CFAP299: variants seen among roughly 807,000 people sequenced by gnomAD.
CFAP299 encodes the protein cilia- and flagella-associated protein 299.
Under a neutral mutation model 27.0 loss-of-function variants are expected in CFAP299, and 21 were observed. That is an observed-to-expected ratio of 0.78 (90% CI 0.55 to 1.12). The LOEUF is 1.12. Among genes scored for constraint, CFAP299 ranks in the 50% most tolerant of loss-of-function variants. The pLI is 0.00. For missense variants in CFAP299, 310 were observed against 276.6 expected (o/e 1.12, Z -0.86); for synonymous variants, 104 against 98.1 (o/e 1.06, Z -0.36).
chr4:80,483,242 G>C (rs748291893), intron 2 of CFAP299, among the ~76,000 whole-genome samples: 4 of 152,134 alleles, frequency 2.6e-5, no homozygotes, highest in Non-Finnish European at 5.9e-5. Context: ...ACCTCTAGAA[G>C]GTAGGAAAGG....
chr4:80,686,692 G>T (rs1450563187), intron 3 of CFAP299, among the ~76,000 whole-genome samples: 1 of 152,116 alleles, frequency 6.6e-6, no homozygotes, highest in African/African-American at 2.4e-5. Flanking sequence ...TCTTTCTTTG[G>T]TGCTTAACCA....
At chr4:80,791,358 CTCAA>C (rs1243591407) in intron 3 of CFAP299, among the ~76,000 whole-genome samples, 2 of 151,966 alleles carry the variant, frequency 1.3e-5, no homozygotes, top group Admixed American at 6.6e-5. Context: ...CTCCTTGACT[CTCAA>C]TCAAGAGGTA....
intron 3 of CFAP299, among the ~76,000 whole-genome samples, chr4:80,627,724 GA>G (rs1365729427): frequency 1.3e-5 from 2 of 151,268 alleles, no homozygotes; most frequent in Non-Finnish European, 3.0e-5. Flanking sequence ...AAGAACAAGA[GA>G]ACCATACCAT....
chr4:80,735,387 G>A (rs1723793854), intron 3 of CFAP299, among the ~76,000 whole-genome samples: 1 of 151,992 alleles, frequency 6.6e-6, no homozygotes, highest in South Asian at 2.1e-4. Flanking sequence ...GAGTAAACAA[G>A]GATAATTTGA....
intron 2 of CFAP299, among the ~76,000 whole-genome samples, chr4:80,554,329 T>TTGTGTTCCG (rs1319291479): frequency 6.6e-6 from 1 of 152,086 alleles, no homozygotes; most frequent in Non-Finnish European, 1.5e-5. Flanking sequence ...GTGTTATCTA[T>TTGTGTTCCG]TGTGTTCCGT....
At chr4:80,661,325 C>CA (rs760056982) in intron 3 of CFAP299, among the ~76,000 whole-genome samples, 8,251 of 62,520 alleles carry the variant, frequency 0.13, 627 homozygotes, top group African/African-American at 0.26. Flanking sequence ...AACTCCATCT[C>CA]AAAAAAAAAA....
intron 3 of CFAP299, among the ~76,000 whole-genome samples, chr4:80,799,810 A>AAT (rs1223365090): frequency 3.8e-5 from 1 of 26,034 alleles, no homozygotes; most frequent in Non-Finnish European, 5.1e-5. Flanking sequence ...ATAATATATA[A>AAT]ATATATATAT....
intron 2 of CFAP299, among the ~76,000 whole-genome samples, chr4:80,481,449 A>G (rs749890053): frequency 1.2e-4 from 18 of 152,120 alleles, no homozygotes; most frequent in African/African-American, 1.7e-4. Flanking sequence ...AGCCAAAGGC[A>G]TATTTTTAAA....
chr4:80,528,737 T>C (rs1196752433), intron 2 of CFAP299, among the ~76,000 whole-genome samples: 1 of 152,158 alleles, frequency 6.6e-6, no homozygotes, highest in Non-Finnish European at 1.5e-5. Flanking sequence ...GAGGTCATTA[T>C]ATCCTAAATT....
At chr4:80,327,593 C>T in the CFAP299 span, among the ~76,000 whole-genome samples, 2 of 144,712 alleles carry the variant, frequency 1.4e-5, no homozygotes, top group Admixed American at 7.2e-5. Context: ...TATAGTTGTC[C>T]AGGCAAAAAA....
At chr4:80,817,766 T>C (rs1290545753) in intron 3 of CFAP299, among the ~76,000 whole-genome samples, 5 of 152,032 alleles carry the variant, frequency 3.3e-5, no homozygotes. Context: ...TAGTTGTATC[T>C]ATGTTTCTTT....
intron 3 of CFAP299, among the ~76,000 whole-genome samples, chr4:80,634,167 A>G (rs1220416478): frequency 1.3e-5 from 2 of 151,822 alleles, no homozygotes; most frequent in Non-Finnish European, 2.9e-5. Context: ...TATTTTTAGT[A>G]GAGATGGGGT....
chr4:80,353,376 A>C (rs368309185), intron 1 of CFAP299, among the ~76,000 whole-genome samples: 60 of 152,258 alleles, frequency 3.9e-4, no homozygotes, highest in African/African-American at 1.3e-3. Context: ...TGGGAGTGCA[A>C]ATTCTGAGAG....
At chr4:80,731,873 A>G (rs1431966378) in intron 3 of CFAP299, among the ~76,000 whole-genome samples, 1 of 152,088 alleles carries the variant, frequency 6.6e-6, no homozygotes, top group East Asian at 1.9e-4. Flanking sequence ...AACCCTCAAC[A>G]TGGCCCTTTC....
At chr4:80,464,549 G>A (rs1729615264) in intron 2 of CFAP299, among the ~76,000 whole-genome samples, 1 of 152,110 alleles carries the variant, frequency 6.6e-6, no homozygotes, top group Non-Finnish European at 1.5e-5. Context: ...AAAATAAACT[G>A]CAAACTAGCA....
At chr4:80,867,262 ATATTAG>A (rs1346735838) in intron 3 of CFAP299, among the ~76,000 whole-genome samples, 1 of 152,140 alleles carries the variant, frequency 6.6e-6, no homozygotes, top group Non-Finnish European at 1.5e-5. Context: ...ATTTTGTCTA[ATATTAG>A]TATACTGATA....
chr4:80,932,072 T>C (rs1161256879), intron 4 of CFAP299, among the ~76,000 whole-genome samples: 2 of 152,116 alleles, frequency 1.3e-5, no homozygotes, highest in Admixed American at 6.6e-5. Flanking sequence ...AGTCCAGCCA[T>C]GAGAAAAATC....
intron 3 of CFAP299, among the ~76,000 whole-genome samples, chr4:80,864,322 T>C (rs998709381): frequency 3.3e-5 from 5 of 150,970 alleles, no homozygotes; most frequent in Admixed American, 2.6e-4. Context: ...ACCTAATTCT[T>C]CAAGGGGCTC....
intron 2 of CFAP299, among the ~76,000 whole-genome samples, chr4:80,499,727 A>G (rs1731648615): frequency 6.6e-6 from 1 of 152,106 alleles, no homozygotes; most frequent in Non-Finnish European, 1.5e-5. Flanking sequence ...ATTTAGGTAC[A>G]TGAGCTACTT....
Sources: allele counts gnomAD v4.1 joint callset (sites outside exome capture counted in the v4.1 genomes callset), GRCh38; gene constraint gnomAD v4.1.1; transcripts MANE v1.5; gene names NCBI Gene and HGNC (gene_info 2026-07-23, HGNC 2026-07-21).